The following SCN10A variants were observed in gnomAD, a reference collection of about 807,000 sequenced individuals.
The protein encoded by SCN10A is sodium voltage-gated channel alpha subunit 10, also known as sodium channel protein type 10 subunit alpha.
A neutral mutation model predicts 170.7 loss-of-function variants in SCN10A; 162 were observed. The observed-to-expected ratio is 0.95, with a 90% confidence interval of 0.84 to 1.08. The LOEUF is 1.08. Ranked by LOEUF, SCN10A falls within the 50% of genes least tolerant of loss-of-function variation. The pLI is 0.00. For missense variants in SCN10A, 2,527 were observed against 2,436.9 expected (o/e 1.04, Z -0.78); for synonymous variants, 985 against 904.6 (o/e 1.09, Z -1.59).
rs758503519 is a variant in SCN10A at position 38,752,443 on chromosome 3, C to T, written c.1531G>A (p.Gly511Ser). The change falls in exon 12 of 28, where the codon GGC (glycine) becomes AGC (serine). Residue 511 changes from glycine to serine, a missense_variant. Coordinates refer to ENST00000449082, the MANE Select transcript of SCN10A (RefSeq NM_006514.4). ...CCCTCAGGGAGTGAGATATCTCGGC[C>T]AGGGGACCGGAAATGGAACACACTG... is the stretch of plus-strand genomic sequence containing the variant. ...HGSVFHFRSP[G>S]RDISLPEGVT... 11 of 1,613,048 alleles carry T rather than the reference C, an allele frequency of 6.8e-6. No homozygotes were observed. The South Asian group carries it at 9.9e-5, about 15-fold the overall frequency.
Position 38,712,493 on chromosome 3 carries a change from C to T in SCN10A, c.3805-48G>A. On this transcript the variant is annotated intron_variant, in intron 22 of 27. Coordinates refer to ENST00000449082, the MANE Select transcript of SCN10A (RefSeq NM_006514.4). ...CTGGAACCTCCCAATGCCCCACCCCCTCTGCTGGATTCTATCTCTTTCTAT... is the reference window on the plus strand; with the variant it reads ...CTGGAACCTCCCAATGCCCCACCCCTTCTGCTGGATTCTATCTCTTTCTAT... 3.8e-6 allele frequency: 6 copies of T among 1,580,852 alleles called. No individual in the cohort carries two copies. The African/African-American group carries it at 4.1e-5, about 11-fold the overall frequency.
chr3:38,810,838 G>A (rs142482946), intron 1 of SCN10A, among the ~76,000 whole-genome samples: 83 of 152,190 alleles, frequency 5.5e-4, no homozygotes, highest in African/African-American at 7.0e-4. Context: ...TGAAATAGTC[G>A]CATTTTGCAA....
chr3:38,722,186 G>C, intron 20 of SCN10A, 72 bp downstream of exon 20: 1 of 1,460,460 alleles, frequency 6.8e-7, no homozygotes, highest in Non-Finnish European at 9.4e-7. Context: ...CACTGATGCA[G>C]CTCCAGGGCC....
chr3:38,773,999 G>A (rs928843181), intron 4 of SCN10A, among the ~76,000 whole-genome samples: 8 of 152,196 alleles, frequency 5.3e-5, no homozygotes, highest in Non-Finnish European at 1.0e-4. Context: ...TGAGAAAAAT[G>A]AAATTGCTGT....
chr3:38,771,544 G>C, intron 4 of SCN10A, 137 bp from the exon 5 acceptor site: 1 of 813,408 alleles, frequency 1.2e-6, no homozygotes, highest in Non-Finnish European at 2.0e-6. Flanking sequence ...AAGGTGATGA[G>C]GGGGAAGAAG....
chr3:38,725,244 G>T lies in SCN10A; in HGVS notation c.3158C>A (p.Ser1053Tyr), dbSNP rs777190579. The T allele has an allele frequency of 1.8e-5, 29 of 1,607,012 alleles. No homozygotes were observed. Among genetic ancestry groups the T allele is most frequent in the Non-Finnish European group, 2.4e-5 (28 of 1,174,772 alleles). Residue 1053 changes from serine to tyrosine, a missense_variant, in exon 18 of 28, where the codon TCT becomes TAT. Coordinates refer to ENST00000449082, the MANE Select transcript of SCN10A (RefSeq NM_006514.4). ...LTPRSPGTGT[S>Y]SEDLAPSLGE... ...CAGGGATGGAGCCAGGTCCTCAGAA[G>T]ATGTTCCAGTGCCTGGGCTCCTGGG...
At chr3:38,771,165 GGTGT>G in intron 5 of SCN10A, 110 bp downstream of exon 5, 2 of 1,133,074 alleles carry the variant, frequency 1.8e-6, no homozygotes, top group South Asian at 3.0e-5. Context: ...AAACGTTCAT[GGTGT>G]GAGTCTCCAC....
intron 8 of SCN10A, among the ~76,000 whole-genome samples, chr3:38,757,691 G>A (rs537214406): frequency 2.6e-5 from 4 of 152,130 alleles, no homozygotes; most frequent in Non-Finnish European, 5.9e-5. Context: ...AGGAATCTGG[G>A]GGTCAGAAAG....
At chr3:38,745,144 A>T (rs1448740056) in intron 13 of SCN10A, among the ~76,000 whole-genome samples, 1 of 152,246 alleles carries the variant, frequency 6.6e-6, no homozygotes, top group Non-Finnish European at 1.5e-5. Flanking sequence ...AAAGAGAGGC[A>T]TCTTTGTAAA....
chr3:38,772,743 A>ACAC (rs571433209), intron 4 of SCN10A, among the ~76,000 whole-genome samples: 6 of 149,870 alleles, frequency 4.0e-5, no homozygotes, highest in Non-Finnish European at 8.9e-5. Context: ...AAACAAAAAA[A>ACAC]AAAAAACCTG....
chr3:38,755,713 C>G, intron 11 of SCN10A, 75 bp downstream of exon 11: 1 of 1,559,962 alleles, frequency 6.4e-7, no homozygotes, highest in Non-Finnish European at 8.8e-7. Context: ...CCACACACCT[C>G]TTCCCACTCC....
chr3:38,764,584 G>A (rs2063911445), intron 5 of SCN10A, among the ~76,000 whole-genome samples: 1 of 152,092 alleles, frequency 6.6e-6, no homozygotes, highest in Non-Finnish European at 1.5e-5. Flanking sequence ...TCCATGGTAT[G>A]CATACACCAT....
intron 13 of SCN10A, among the ~76,000 whole-genome samples, chr3:38,746,815 T>A (rs766143542): frequency 6.6e-6 from 1 of 152,150 alleles, no homozygotes; most frequent in Non-Finnish European, 1.5e-5. Context: ...CACTCACCAC[T>A]CCAGTAAGCT....
intron 4 of SCN10A, 103 bp downstream of exon 4, chr3:38,788,853 C>T: frequency 1.4e-6 from 1 of 725,192 alleles, no homozygotes; most frequent in Non-Finnish European, 2.5e-6. Flanking sequence ...TCAGCATTAC[C>T]CACATGAGGC....
intron 20 of SCN10A, among the ~76,000 whole-genome samples, chr3:38,721,752 G>C (rs906280426): frequency 6.6e-6 from 1 of 152,356 alleles, no homozygotes; most frequent in Non-Finnish European, 1.5e-5. Flanking sequence ...ATTTTGAGAA[G>C]TGCTATTGTA....
intron 4 of SCN10A, among the ~76,000 whole-genome samples, chr3:38,777,027 A>T (rs2064084061): frequency 6.6e-6 from 1 of 152,104 alleles, no homozygotes. Context: ...GAAAAAATTG[A>T]TATAAAAAGT....
chr3:38,800,621 C>T (rs1057173658), intron 1 of SCN10A, among the ~76,000 whole-genome samples: 8 of 152,152 alleles, frequency 5.3e-5, no homozygotes, highest in East Asian at 3.9e-4. Flanking sequence ...TATTCTTATT[C>T]GTTCTAGGAA....
chr3:38,710,322 G>A (rs977608059), intron 24 of SCN10A, among the ~76,000 whole-genome samples: 1 of 152,108 alleles, frequency 6.6e-6, no homozygotes, highest in Non-Finnish European at 1.5e-5. Flanking sequence ...GCCATGCCCT[G>A]CTAATTTCTT....
chr3:38,732,952 A>G (rs2063526093), intron 15 of SCN10A, among the ~76,000 whole-genome samples: 1 of 152,194 alleles, frequency 6.6e-6, no homozygotes, highest in African/African-American at 2.4e-5. Context: ...TCAAATGTTG[A>G]AGACTAGTTA....
Sources: allele counts gnomAD v4.1 joint callset (sites outside exome capture counted in the v4.1 genomes callset), GRCh38; gene constraint gnomAD v4.1.1; transcripts MANE v1.5; gene names NCBI Gene and HGNC (gene_info 2026-07-23, HGNC 2026-07-21).